ASPM: variants seen among roughly 807,000 people sequenced by gnomAD.
ASPM encodes the protein assembly factor for spindle microtubules.
ASPM carries 256 observed loss-of-function variants against 366.4 expected under a neutral mutation model. The observed-to-expected ratio is 0.70, with a 90% CI of 0.63 to 0.77. The LOEUF (loss-of-function observed/expected upper bound fraction) is 0.77. Among genes scored for constraint, ASPM ranks in the 30% least tolerant of loss-of-function variants. The pLI, the probability that ASPM is intolerant of heterozygous loss-of-function variation, is 0.00. For missense variants in ASPM, 4,146 were observed against 4,090.4 expected, an observed-to-expected ratio of 1.01 and a Z score of -0.37; for synonymous variants, 1,414 against 1,342.9, an observed-to-expected ratio of 1.05 and a Z score of -1.16.
At chr1:197,126,213 G>A (rs1328342272) in intron 10 of ASPM, among the ~76,000 whole-genome samples, 1 of 152,046 alleles carries the variant, frequency 6.6e-6, no homozygotes, top group East Asian at 1.9e-4. Context: ...GGCTGAGGTG[G>A]GTGGATCACC....
At chr1:197,109,642 A>G (rs1240675366) in intron 17 of ASPM, among the ~76,000 whole-genome samples, 1 of 152,092 alleles carries the variant, frequency 6.6e-6, no homozygotes, top group Non-Finnish European at 1.5e-5. Flanking sequence ...AAAAATAGAA[A>G]GAATATTTAG....
intron 22 of ASPM, 34 bp from the exon 23 acceptor site, chr1:197,091,075 T>C: frequency 8.5e-6 from 13 of 1,525,088 alleles, no homozygotes; most frequent in Non-Finnish European, 1.2e-5. Flanking sequence ...TTTTCATTTC[T>C]ACTTCAGGTT....
intron 17 of ASPM, among the ~76,000 whole-genome samples, chr1:197,108,971 C>CAAAA (rs564818123): frequency 2.9e-5 from 2 of 69,730 alleles, no homozygotes; most frequent in African/African-American, 6.5e-5. Flanking sequence ...ACCCTGTCTC[C>CAAAA]AAAAAAAAAA....
At chr1:197,100,083 G>T (rs964392258) in intron 18 of ASPM, among the ~76,000 whole-genome samples, 2 of 151,684 alleles carry the variant, frequency 1.3e-5, no homozygotes, top group African/African-American at 4.8e-5. Flanking sequence ...CCTATATTAT[G>T]CCAAATAATA....
rs750339386 is a variant in ASPM, at chr1:197,143,356, G to GT, written c.895dup (p.Thr299AsnfsTer26). ...GTTCAAAGTTGAAGAACAGTTGGGG[G>GT]TAAGACTAAGTTTACTATTCTCTCC... On this transcript the variant is annotated frameshift_variant, in exon 3 of 28. Coordinates refer to ENST00000367409, the MANE Select transcript of ASPM (RefSeq NM_018136.5). LOFTEE classifies it high-confidence loss of function. The GT allele has an allele frequency of 6.2e-7, 1 of 1,613,842 alleles. No individual in the cohort carries two copies. The highest frequency in any genetic ancestry group is 1.1e-5 in the South Asian group (1 of 91,072).
chr1:197,090,436 CTATTTA>C, intron 23 of ASPM, 48 bp from the exon 24 acceptor site: 2 of 1,349,296 alleles, frequency 1.5e-6, no homozygotes, highest in South Asian at 1.3e-5. Flanking sequence ...CCAATGTTTT[CTATTTA>C]TATCTACATC....
At position 197,104,452 on chromosome 1, in the gene ASPM, T is replaced by C; in HGVS notation, c.4799A>G (p.Gln1600Arg). The C allele has an allele frequency of 8.7e-6, 14 of 1,612,966 alleles. No homozygotes were observed. Among genetic ancestry groups the C allele is most frequent in the Non-Finnish European group, 1.2e-5 (14 of 1,179,410 alleles). ...TGCTTTCTTCATCTTCTTATATTTC[T>C]GTCGTTGTTGATGTTTTCTTACATG... The part of the protein sequence containing the change: ...QAHVRKHQQR[Q>R]KYKKMKKAAV... Residue 1600 changes from glutamine (Q) to arginine (R), a missense_variant, in exon 18 of 28, where the codon CAG (glutamine) becomes CGG (arginine). This residue lies in a region of ASPM where 3,624 missense variants were observed against 3,591.7 expected (regional missense o/e 1.01). Transcript: ENST00000367409.
intron 3 of ASPM, among the ~76,000 whole-genome samples, chr1:197,140,442 T>C (rs1022636627): frequency 6.6e-6 from 1 of 152,238 alleles, no homozygotes; most frequent in African/African-American, 2.4e-5. Flanking sequence ...AAATACTTTG[T>C]GCCAGGCACT....
At chr1:197,112,826 C>T (rs965555360) in intron 17 of ASPM, among the ~76,000 whole-genome samples, 2 of 152,106 alleles carry the variant, frequency 1.3e-5, no homozygotes, top group Non-Finnish European at 2.9e-5. Context: ...TGTGCCCCGA[C>T]TGCCTTGGGC....
rs113955165 is a variant in ASPM at position 197,099,040 on chromosome 1, T to C, written c.8820+1391A>G. ...GAGGGAGTAACTCTGCTGAGTTACT[T>C]AAGCCATCAACATGGCTTGCCTCCT... On this transcript the variant is annotated intron_variant, in intron 18 of 27. Coordinates refer to ENST00000367409, the MANE Select transcript of ASPM (RefSeq NM_018136.5). 7.1e-3 allele frequency among the ~76,000 whole-genome samples: 1,071 copies of C among 151,722 alleles called. 10 individuals are homozygous for C. Among genetic ancestry groups the C allele is most frequent in the Non-Finnish European group, 9.6e-3 (649 of 67,748 alleles).
intron 1 of ASPM, among the ~76,000 whole-genome samples, chr1:197,144,462 A>T (rs1231263314): frequency 6.6e-6 from 1 of 152,222 alleles, no homozygotes; most frequent in East Asian, 1.9e-4. Context: ...TGCATTATGA[A>T]GACTTTATTT....
rs1330465142 is a variant in ASPM, at chr1:197,104,695, T to C, written c.4556A>G (p.Lys1519Arg). The C allele has an allele frequency of 1.5e-5, 25 of 1,613,038 alleles. No individual in the cohort carries two copies. In the East Asian group the frequency reaches 5.6e-4, roughly 36 times the overall value. ...TCCTTTCAGATATGCTTTGTAGTAC[T>C]TCTGGATGGTTAGTATGGACTCTTT... is the stretch of plus-strand genomic sequence containing the variant. ...RRKESILTIQ[K>R]YYKAYLKGKI... The change falls in exon 18 of 28, where the codon AAG becomes AGG. Residue 1519 changes from lysine (K) to arginine (R), a missense_variant. By Grantham distance (26) the Lys-to-Arg change is conservative. Transcript: ENST00000367409.
chr1:197,113,174 G>A (rs1657638003), intron 17 of ASPM, among the ~76,000 whole-genome samples: 1 of 152,030 alleles, frequency 6.6e-6, no homozygotes, highest in Non-Finnish European at 1.5e-5. Flanking sequence ...GAATACATAT[G>A]GACACAAAGA....
Position 197,143,199 on chromosome 1 carries a change from C to T in ASPM, c.1053G>A (p.Val351=). 2 of 1,613,508 alleles carry T rather than the reference C, an allele frequency of 1.2e-6. No homozygotes were observed. Among genetic ancestry groups the T allele is most frequent in the South Asian group, 1.1e-5 (1 of 91,014 alleles). Residue 351 remains valine, a synonymous_variant, in exon 3 of 28, where the codon GTG becomes GTA. Transcript: ENST00000367409. ...CATGTGCAATTGTTGATTCCAAATGCACAGGCTGTGAATTATCTTTCATAA... is the reference window on the plus strand; with the variant it reads ...CATGTGCAATTGTTGATTCCAAATGTACAGGCTGTGAATTATCTTTCATAA... ...DMFMKDNSQP[V]HLESTIAHEI...
intron 21 of ASPM, 31 bp from the exon 22 acceptor site, chr1:197,092,087 T>A (rs199735695): frequency 6.2e-7 from 1 of 1,608,816 alleles, no homozygotes; most frequent in Non-Finnish European, 8.5e-7. Context: ...CATATTCAAG[T>A]ATCTGCCTCC....
chr1:197,132,760 T>C (rs1011604415), intron 6 of ASPM, among the ~76,000 whole-genome samples: 2 of 148,974 alleles, frequency 1.3e-5, no homozygotes, highest in South Asian at 2.1e-4. Flanking sequence ...ATATGATAAA[T>C]ATATATATAT....
chr1:197,106,201 G>C (rs1159816535), intron 17 of ASPM, among the ~76,000 whole-genome samples: 1 of 151,872 alleles, frequency 6.6e-6, no homozygotes, highest in African/African-American at 2.4e-5. Flanking sequence ...TTTCCTGTAA[G>C]TTTTATTGTC....
chr1:197,095,989 A>C lies in ASPM; in HGVS notation c.8987+9T>G. On this transcript the variant is annotated intron_variant, in intron 19 of 27. Transcript: ENST00000367409. ...CTTTTACACTCTCCACAGAACTATGATACATTACCGTGTTCTCTCTAGTTT... is the reference window on the plus strand; with the variant it reads ...CTTTTACACTCTCCACAGAACTATGCTACATTACCGTGTTCTCTCTAGTTT... 5 of 1,601,304 alleles carry C rather than the reference A, an allele frequency of 3.1e-6. No homozygotes were observed. Among genetic ancestry groups the C allele is most frequent in the Non-Finnish European group, 4.3e-6 (5 of 1,170,032 alleles).
At position 197,146,652 on chromosome 1, in the gene ASPM, G is replaced by A; in HGVS notation, c.-215C>T. 3 of 611,472 alleles carry A rather than the reference G, an allele frequency of 4.9e-6. No homozygotes were observed. The South Asian group carries it at 6.0e-5, about 12-fold the overall frequency. The allele number at this position is 611,472 out of a possible 1,614,324, so 37.9% of individuals were successfully genotyped here. A position where few individuals can be genotyped will look rare whatever the true frequency, so the allele number is the denominator to read the frequency against. ...CAAATTAAAAAGAGGAGCCAAACAA[G>A]TATGGCGTTTTGACTCTGTTTAAAC... On this transcript the variant is annotated 5_prime_UTR_variant, in exon 1 of 28. Coordinates refer to ENST00000367409, the MANE Select transcript of ASPM (RefSeq NM_018136.5).
Sources: gnomAD v4.1 joint callset for allele counts (sites outside exome capture counted in the v4.1 genomes callset) on GRCh38, gnomAD v4.1.1 for gene constraint, gnomAD v4.1.1 regional missense constraint, MANE v1.5 for transcripts, NCBI Gene and HGNC (gene_info 2026-07-23, HGNC 2026-07-21) for gene names.